KIAA0825: variants seen among roughly 807,000 people sequenced by gnomAD.
KIAA0825 encodes the protein uncharacterized protein KIAA0825.
KIAA0825 carries 119 observed loss-of-function variants against 147.6 expected under a neutral mutation model. That is an observed-to-expected ratio of 0.81 (90% CI 0.69 to 0.94). The LOEUF (loss-of-function observed/expected upper bound fraction) is 0.94. KIAA0825 is among the 40% of genes least tolerant of loss of function. The pLI is 0.00. For synonymous variants in KIAA0825, 470 were observed against 518.1 expected (o/e 0.91, Z 1.26); for missense variants, 1,381 against 1,472.7 (o/e 0.94, Z 1.02).
At chr5:94,575,893 C>A (rs370207996) in intron 2 of KIAA0825, among the ~76,000 whole-genome samples, 7 of 152,070 alleles carry the variant, frequency 4.6e-5, no homozygotes, top group African/African-American at 1.4e-4. Flanking sequence ...GAAGTTTATG[C>A]AGTAAGGGAT....
chr5:94,325,507 C>T (rs1780598333), intron 20 of KIAA0825, among the ~76,000 whole-genome samples: 1 of 151,870 alleles, frequency 6.6e-6, no homozygotes, highest in African/African-American at 2.4e-5. Flanking sequence ...AGAAATAATA[C>T]ACATAAATCA....
At chr5:94,205,299 A>ATATATATATATTTTTT (rs1254935243) in intron 20 of KIAA0825, among the ~76,000 whole-genome samples, 1 of 137,910 alleles carries the variant, frequency 7.3e-6, no homozygotes, top group African/African-American at 2.8e-5. Flanking sequence ...ATATATATAT[A>ATATATATATATTTTTT]TTTTGTTTTG....
chr5:94,250,776 AAC>A (rs1471756158), intron 20 of KIAA0825, among the ~76,000 whole-genome samples: 44 of 152,288 alleles, frequency 2.9e-4, no homozygotes, highest in Admixed American at 2.5e-3. Context: ...ATTAGAAATT[AAC>A]AAAACAAGTT....
At chr5:94,531,125 G>A (rs1270412203) in intron 3 of KIAA0825, among the ~76,000 whole-genome samples, 2 of 151,926 alleles carry the variant, frequency 1.3e-5, no homozygotes, top group Non-Finnish European at 2.9e-5. Flanking sequence ...AAGCTATACT[G>A]TACTTAAAAA....
intron 3 of KIAA0825, among the ~76,000 whole-genome samples, chr5:94,527,563 T>C (rs76625703): frequency 6.6e-6 from 1 of 152,062 alleles, no homozygotes; most frequent in Non-Finnish European, 1.5e-5. Flanking sequence ...TAAAGACTTA[T>C]TTATTACAGT....
intron 1 of KIAA0825, chr5:94,594,116 C>A (rs1784834511): frequency 1.8e-6 from 1 of 547,530 alleles, no homozygotes; most frequent in South Asian, 1.4e-5. Context: ...TTCTCTTTGG[C>A]CACACTTGAA....
chr5:94,516,704 T>C (rs1227767847), intron 5 of KIAA0825, among the ~76,000 whole-genome samples: 2 of 13,280 alleles, frequency 1.5e-4, no homozygotes, highest in South Asian at 6.8e-3. Flanking sequence ...GGCAGGAGAA[T>C]GGCGTGAACC....
intron 20 of KIAA0825, among the ~76,000 whole-genome samples, chr5:94,187,593 A>G (rs925091100): frequency 6.6e-6 from 1 of 151,558 alleles, no homozygotes; most frequent in Non-Finnish European, 1.5e-5. Context: ...CGTCTGGCTA[A>G]TTTTTGTATT....
chr5:94,511,163 A>G (rs1766421015), intron 5 of KIAA0825, among the ~76,000 whole-genome samples: 1 of 152,224 alleles, frequency 6.6e-6, no homozygotes, highest in Non-Finnish European at 1.5e-5. Context: ...AGCCTTCACC[A>G]GACTTTAATT....
intron 5 of KIAA0825, among the ~76,000 whole-genome samples, chr5:94,510,406 G>A (rs908851776): frequency 2.6e-5 from 4 of 152,142 alleles, no homozygotes; most frequent in East Asian, 1.9e-4. Context: ...TAGAAATAGC[G>A]TAATTTATAC....
intron 2 of KIAA0825, among the ~76,000 whole-genome samples, chr5:94,550,670 G>A (rs763210169): frequency 2.3e-4 from 35 of 152,112 alleles, no homozygotes; most frequent in Non-Finnish European, 3.8e-4. Context: ...GTGAAACCTC[G>A]TCTCAACTAA....
In KIAA0825 at chr5:94,151,521, C is replaced by T. The variant is rs1010597055; in HGVS notation, c.*2486G>A. ...GTCACCTAATACTCTCAATTATAAA[C>T]TTTATTGCACTTATGGCTATAATAA... is the stretch of plus-strand genomic sequence containing the variant. On this transcript the variant is annotated 3_prime_UTR_variant, in exon 21 of 21. Transcript: ENST00000682413. 1.4e-5 allele frequency among the ~76,000 whole-genome samples: 2 copies of T among 142,990 alleles called. No individual in the cohort carries two copies. The highest frequency in any genetic ancestry group is 7.0e-5 in the Admixed American group (1 of 14,356). 93.8% of individuals were successfully genotyped at this position (142,990 alleles called of 152,430 possible).
intron 5 of KIAA0825, among the ~76,000 whole-genome samples, chr5:94,503,858 T>G (rs1403153705): frequency 6.6e-6 from 1 of 152,208 alleles, no homozygotes; most frequent in Non-Finnish European, 1.5e-5. Flanking sequence ...CTTGGCCATC[T>G]TCCAGGAAGC....
At chr5:94,517,336 A>G (rs1291204478) in intron 5 of KIAA0825, among the ~76,000 whole-genome samples, 1 of 152,190 alleles carries the variant, frequency 6.6e-6, no homozygotes, top group East Asian at 1.9e-4. Flanking sequence ...GCTGTTGAGA[A>G]GGTTAAGTGA....
chr5:94,479,633 T>C (rs1484785926), intron 6 of KIAA0825, among the ~76,000 whole-genome samples: 1 of 152,144 alleles, frequency 6.6e-6, no homozygotes, highest in Non-Finnish European at 1.5e-5. Context: ...AATTGCTGGA[T>C]TGTATGGTAA....
chr5:94,567,592 C>T (rs1778940029), intron 2 of KIAA0825: 1 of 152,290 alleles, frequency 6.6e-6, no homozygotes, highest in Non-Finnish European at 1.5e-5. Context: ...CTTTCCTACT[C>T]ATCGGTTGAT....
At chr5:94,316,325 C>T (rs1396955759) in intron 20 of KIAA0825, among the ~76,000 whole-genome samples, 1 of 151,240 alleles carries the variant, frequency 6.6e-6, no homozygotes. Flanking sequence ...TATTATACTA[C>T]TAAACCACCT....
chr5:94,266,381 T>C (rs1776737635), intron 20 of KIAA0825, among the ~76,000 whole-genome samples: 1 of 147,960 alleles, frequency 6.8e-6, no homozygotes. Flanking sequence ...TAACAACTCA[T>C]GATGTCATAA....
At chr5:94,489,259 A>C (rs1206774789) in intron 5 of KIAA0825, among the ~76,000 whole-genome samples, 6 of 152,288 alleles carry the variant, frequency 3.9e-5, no homozygotes, top group Non-Finnish European at 8.8e-5. Context: ...AACCACCCGA[A>C]GTCCATCTTT....
Sources: allele counts gnomAD v4.1 joint callset (sites outside exome capture counted in the v4.1 genomes callset), GRCh38; gene constraint gnomAD v4.1.1; transcripts MANE v1.5; gene names NCBI Gene and HGNC (gene_info 2026-07-23, HGNC 2026-07-21).